The following TENM4 variants were observed in gnomAD, a reference collection of about 807,000 sequenced individuals.
The protein encoded by TENM4 is teneurin-4.
A neutral mutation model predicts 243.3 loss-of-function variants in TENM4; 82 were observed. The observed-to-expected ratio is 0.34, with a 90% confidence interval of 0.28 to 0.40. TENM4 has a LOEUF of 0.40. Among genes scored for constraint, TENM4 ranks in the 10% least tolerant of loss-of-function variants. TENM4 has a pLI of 1.00. For synonymous variants in TENM4, 1,412 were observed against 1,456.3 expected, an observed-to-expected ratio of 0.97 and a Z score of 0.69; for missense variants, 3,138 against 3,673.3, an observed-to-expected ratio of 0.85 and a Z score of 3.77.
At chr11:79,282,164 GA>G (rs774742258) in intron 2 of TENM4, among the ~76,000 whole-genome samples, 20 of 152,214 alleles carry the variant, frequency 1.3e-4, no homozygotes, top group Admixed American at 6.5e-4. Context: ...AAAAAGTACT[GA>G]AAAGGATGTA....
intron 20 of TENM4, among the ~76,000 whole-genome samples, chr11:78,736,478 G>A (rs1157313612): frequency 4.9e-5 from 7 of 142,272 alleles, no homozygotes; most frequent in African/African-American, 1.8e-4. Flanking sequence ...GTGTGTGTGT[G>A]TGCGCGCGCG....
chr11:79,004,072 A>T (rs937742592), intron 6 of TENM4, among the ~76,000 whole-genome samples: 1 of 152,172 alleles, frequency 6.6e-6, no homozygotes, highest in Non-Finnish European at 1.5e-5. Flanking sequence ...TAAAGGGTTC[A>T]ATCCAACAAG....
At chr11:79,254,500 A>G (rs1855667934) in intron 2 of TENM4, among the ~76,000 whole-genome samples, 1 of 152,170 alleles carries the variant, frequency 6.6e-6, no homozygotes, top group African/African-American at 2.4e-5. Flanking sequence ...ACCCTTGGAG[A>G]GAGGCAGCTA....
chr11:79,287,799 AT>A (rs1590853384), intron 2 of TENM4, among the ~76,000 whole-genome samples: 1 of 152,166 alleles, frequency 6.6e-6, no homozygotes, highest in East Asian at 1.9e-4. Flanking sequence ...CAAAAAAGTA[AT>A]TGTCTCAAGG....
intron 2 of TENM4, among the ~76,000 whole-genome samples, chr11:79,294,974 T>A (rs542793921): frequency 1.7e-4 from 26 of 152,328 alleles, no homozygotes; most frequent in Admixed American, 1.5e-3. Flanking sequence ...AAACACTGGC[T>A]GGCCCTCTGC....
chr11:78,910,386 G>A (rs1856159081), intron 6 of TENM4, among the ~76,000 whole-genome samples: 1 of 152,198 alleles, frequency 6.6e-6, no homozygotes, highest in Admixed American at 6.5e-5. Context: ...CCATTAAAAT[G>A]CCATCGACTA....
intron 8 of TENM4, among the ~76,000 whole-genome samples, chr11:78,890,648 A>G (rs1371146743): frequency 6.6e-6 from 1 of 152,204 alleles, no homozygotes; most frequent in Non-Finnish European, 1.5e-5. Flanking sequence ...CAGAAGCCAG[A>G]CTGCTGCCTC....
Position 79,230,551 on chromosome 11 carries a change from T to G in TENM4, c.-264-14642A>C, listed in dbSNP as rs370445114. ...GCTTGGGAACCATGGACAACCTCTCTGAGCCTTAGTTCCTTCACCCGATAA... is the reference window on the plus strand; with the variant it reads ...GCTTGGGAACCATGGACAACCTCTCGGAGCCTTAGTTCCTTCACCCGATAA... On this transcript the variant is annotated intron_variant, in intron 2 of 33. Transcript: ENST00000278550. Among the ~76,000 whole-genome samples the G allele has an allele frequency of 2.1e-3, 324 of 152,344 alleles. 1 individual carries two copies. The highest frequency in any genetic ancestry group is 6.8e-3 in the Middle Eastern group (2 of 294).
chr11:79,042,939 G>A (rs1859572702), intron 6 of TENM4, among the ~76,000 whole-genome samples: 1 of 152,084 alleles, frequency 6.6e-6, no homozygotes, highest in South Asian at 2.1e-4. Flanking sequence ...TACAGAATAA[G>A]GTTCCAACAC....
chr11:78,768,253 T>A (rs930841361), intron 18 of TENM4, among the ~76,000 whole-genome samples: 4 of 152,172 alleles, frequency 2.6e-5, no homozygotes, highest in African/African-American at 9.7e-5. Context: ...AGGTGAGACG[T>A]TTCCTCATTT....
chr11:78,826,823 T>C (rs905113498), intron 12 of TENM4, among the ~76,000 whole-genome samples: 2 of 152,148 alleles, frequency 1.3e-5, no homozygotes, highest in African/African-American at 4.8e-5. Context: ...AAAAAAAAAG[T>C]TTTTAAATTG....
intron 4 of TENM4, among the ~76,000 whole-genome samples, chr11:79,075,330 T>A (rs572576501): frequency 6.6e-6 from 1 of 152,260 alleles, no homozygotes; most frequent in South Asian, 2.1e-4. Flanking sequence ...GAACCCTCTA[T>A]CCTGACAGTG....
intron 29 of TENM4, 114 bp from the exon 30 acceptor site, chr11:78,676,501 C>CA: frequency 1.4e-6 from 1 of 720,060 alleles, no homozygotes; most frequent in Non-Finnish European, 2.1e-6. Context: ...ACTATGAAAG[C>CA]AATACATCAT....
intron 7 of TENM4, among the ~76,000 whole-genome samples, chr11:78,895,978 T>C (rs12270161): frequency 0.021 from 3,190 of 152,258 alleles, 117 homozygotes; most frequent in African/African-American, 0.073. Flanking sequence ...GGCCTTGGAC[T>C]AGCCCCTGAA....
At chr11:79,386,373 A>G (rs187000529) in intron 1 of TENM4, among the ~76,000 whole-genome samples, 6 of 152,224 alleles carry the variant, frequency 3.9e-5, no homozygotes, top group African/African-American at 1.2e-4. Context: ...CTTAAACAAG[A>G]CATAAAATGT....
intron 28 of TENM4, among the ~76,000 whole-genome samples, chr11:78,698,341 C>T (rs192726148): frequency 1.0e-3 from 154 of 152,194 alleles, no homozygotes; most frequent in African/African-American, 3.0e-3. Flanking sequence ...GAGCCGAGAT[C>T]GCACCATTGC....
At chr11:79,406,816 C>G (rs569324293) in intron 1 of TENM4, among the ~76,000 whole-genome samples, 2 of 152,174 alleles carry the variant, frequency 1.3e-5, no homozygotes, top group African/African-American at 4.8e-5. Context: ...GCAGAGTATA[C>G]AGGGAGAGAA....
In TENM4 at chr11:78,722,804, C is replaced by T. The variant is rs764166454; in HGVS notation, c.3664G>A (p.Gly1222Ser). Residue 1222 changes from glycine to serine, a missense_variant, in exon 24 of 34, where the codon GGC (glycine) becomes AGC (serine). Physicochemically the swap from Gly to Ser is moderately conservative, Grantham distance 56. Transcript: ENST00000278550. ...RRSISCPSCN[G>S]LADGNKLLAP... Reference sequence around the variant, plus strand: ...AGGAGCTTGTTGCCGTCAGCAAGGCCGTTGCAGCTGGGGCAGGAGATGCTT... The same window carrying T: ...AGGAGCTTGTTGCCGTCAGCAAGGCTGTTGCAGCTGGGGCAGGAGATGCTT... 1.8e-5 allele frequency: 29 copies of T among 1,613,944 alleles called. No individual in the cohort carries two copies. Among genetic ancestry groups the T allele is most frequent in the Middle Eastern group, 1.6e-4 (1 of 6,084 alleles).
intron 2 of TENM4, among the ~76,000 whole-genome samples, chr11:79,245,824 C>T (rs1224124769): frequency 2.6e-5 from 4 of 151,238 alleles, no homozygotes; most frequent in South Asian, 2.1e-4. Flanking sequence ...CCTGTAATCC[C>T]AGCTACTCGG....
Sources: allele counts gnomAD v4.1 joint callset (sites outside exome capture counted in the v4.1 genomes callset), GRCh38; gene constraint gnomAD v4.1.1; transcripts MANE v1.5; gene names NCBI Gene and HGNC (gene_info 2026-07-23, HGNC 2026-07-21).